The following NIBAN1 variants were observed in gnomAD, a reference collection of about 807,000 sequenced individuals.
NIBAN1 encodes protein Niban 1.
Under a neutral mutation model 75.1 loss-of-function variants are expected in NIBAN1, and 81 were observed. The observed-to-expected ratio is 1.08, with a 90% CI of 0.90 to 1.30. NIBAN1 has a LOEUF of 1.30. NIBAN1 is among the 50% of genes most tolerant of loss of function. The pLI, the probability that NIBAN1 is intolerant of heterozygous loss-of-function variation, is 0.00. For synonymous variants in NIBAN1, 436 were observed against 424.8 expected, an observed-to-expected ratio of 1.03 and a Z score of -0.32; for missense variants, 1,133 against 1,128.1, an observed-to-expected ratio of 1.00 and a Z score of -0.06.
At chr1:184,879,273 T>C (rs1656314079) in intron 5 of NIBAN1, among the ~76,000 whole-genome samples, 1 of 152,172 alleles carries the variant, frequency 6.6e-6, no homozygotes, top group African/African-American at 2.4e-5. Context: ...TTCATGACAA[T>C]TGTATTCTTC....
At chr1:184,868,101 A>G (rs2102283974) in intron 5 of NIBAN1, 1 of 972,248 alleles carries the variant, frequency 1.0e-6, no homozygotes, top group Non-Finnish European at 1.2e-6. Context: ...AGATGTGAAA[A>G]TGGGTGCTTT....
chr1:184,917,099 T>C (rs1657403512), intron 1 of NIBAN1, among the ~76,000 whole-genome samples: 1 of 152,178 alleles, frequency 6.6e-6, no homozygotes, highest in Non-Finnish European at 1.5e-5. Flanking sequence ...AAAACACTGC[T>C]ATGCTGTGCG....
At chr1:184,894,851 C>T (rs1461040510) in intron 2 of NIBAN1, among the ~76,000 whole-genome samples, 3 of 152,184 alleles carry the variant, frequency 2.0e-5, no homozygotes, top group Non-Finnish European at 4.4e-5. Flanking sequence ...GATATATGTG[C>T]TGTGCGGGCA....
At chr1:184,874,198 C>T (rs1477019040) in intron 5 of NIBAN1, among the ~76,000 whole-genome samples, 1 of 151,272 alleles carries the variant, frequency 6.6e-6, no homozygotes, top group African/African-American at 2.4e-5. Flanking sequence ...ATTATTATTG[C>T]TAATAATAAA....
chr1:184,834,979 A>G (rs144274982), intron 5 of NIBAN1, among the ~76,000 whole-genome samples: 88,713 of 152,030 alleles, frequency 0.58, 26,349 homozygotes, highest in African/African-American at 0.68. Context: ...GTTTTAGGTC[A>G]AACATTTAAG....
chr1:184,802,073 T>C (rs948567328), intron 12 of NIBAN1, among the ~76,000 whole-genome samples: 3 of 152,188 alleles, frequency 2.0e-5, no homozygotes, highest in African/African-American at 7.2e-5. Flanking sequence ...CTGCTACTTA[T>C]AGAACCAAGG....
At position 184,798,129 on chromosome 1, in the gene NIBAN1, T is replaced by A. The variant is rs1653928053; in HGVS notation, c.1616A>T (p.Asn539Ile). ...CTGATGTAAAATCTCCTCATAGACA[T>A]TTTCAACGTGAATCATATTGGTATG... ...ADHTNMIHVENVYEEILHQIL... is the reference protein window; with the variant it reads ...ADHTNMIHVEIVYEEILHQIL... Residue 539 changes from asparagine to isoleucine, a missense_variant, in exon 13 of 14, where the codon AAT becomes ATT. By Grantham distance (149) the Asn-to-Ile change is moderately radical. Coordinates refer to ENST00000367511, the MANE Select transcript of NIBAN1 (RefSeq NM_052966.4). The A allele has an allele frequency of 6.2e-7, 1 of 1,612,054 alleles. No homozygotes were observed. The highest frequency in any genetic ancestry group is 1.7e-5 in the Admixed American group (1 of 59,986).
intron 2 of NIBAN1, among the ~76,000 whole-genome samples, chr1:184,896,532 G>C (rs2101984994): frequency 6.6e-6 from 1 of 151,906 alleles, no homozygotes; most frequent in East Asian, 1.9e-4. Context: ...TTTGTGTATA[G>C]GCTTTTTAGC....
chr1:184,910,864 C>A (rs950711421), intron 1 of NIBAN1, among the ~76,000 whole-genome samples: 1 of 152,134 alleles, frequency 6.6e-6, no homozygotes, highest in African/African-American at 2.4e-5. Flanking sequence ...TTTTCTCCTG[C>A]CTGAATCCCT....
In NIBAN1 at chr1:184,921,974, A is replaced by G. The variant is rs372172416; in HGVS notation, c.56-22665T>C. Among the ~76,000 whole-genome samples the G allele has an allele frequency of 6.6e-5, 10 of 152,340 alleles. 1 individual carries two copies. In the South Asian group the frequency reaches 1.9e-3, roughly 28 times the overall value. The stretch of plus-strand genomic sequence containing the variant: ...CAAATGCTTTTTGTATTATATTATA[A>G]CACACAAGTCCTTTGAAATACAAAT... On this transcript the variant is annotated intron_variant, in intron 1 of 13. Coordinates refer to ENST00000367511, the MANE Select transcript of NIBAN1 (RefSeq NM_052966.4).
intron 6 of NIBAN1, among the ~76,000 whole-genome samples, chr1:184,829,590 C>G (rs112887360): frequency 5.9e-4 from 89 of 151,166 alleles, no homozygotes; most frequent in African/African-American, 2.1e-3. Context: ...GCCTCAGCCT[C>G]CCAAGCAGCT....
At chr1:184,958,500 A>T (rs1419073957) in intron 1 of NIBAN1, among the ~76,000 whole-genome samples, 5 of 152,186 alleles carry the variant, frequency 3.3e-5, no homozygotes. Flanking sequence ...GAGCGTTCAA[A>T]TCCTATCACG....
At chr1:184,963,511 A>C (rs1658704223) in intron 1 of NIBAN1, among the ~76,000 whole-genome samples, 1 of 152,182 alleles carries the variant, frequency 6.6e-6, no homozygotes, top group Admixed American at 6.5e-5. Flanking sequence ...CACACAAAAA[A>C]TCAGAGTGAA....
chr1:184,942,693 C>CAAAA (rs1235041623), intron 1 of NIBAN1, among the ~76,000 whole-genome samples: 4 of 78,352 alleles, frequency 5.1e-5, no homozygotes, highest in East Asian at 3.6e-4. Context: ...GACTCCGTCT[C>CAAAA]AAAAAAAAAA....
chr1:184,920,945 C>T (rs1351973040), intron 1 of NIBAN1, among the ~76,000 whole-genome samples: 1 of 152,072 alleles, frequency 6.6e-6, no homozygotes, highest in Admixed American at 6.5e-5. Flanking sequence ...ACCTGACCAG[C>T]ATGGTGAAAC....
chr1:184,872,206 A>G (rs1292459921), intron 5 of NIBAN1, among the ~76,000 whole-genome samples: 1 of 152,168 alleles, frequency 6.6e-6, no homozygotes, highest in African/African-American at 2.4e-5. Flanking sequence ...AAGTAAAAAG[A>G]GATTATTTTA....
At chr1:184,923,525 C>T (rs189780439) in intron 1 of NIBAN1, among the ~76,000 whole-genome samples, 4 of 152,196 alleles carry the variant, frequency 2.6e-5, no homozygotes, top group Admixed American at 1.3e-4. Context: ...TCTTTTTGTT[C>T]ATGATAGCTT....
rs80140676 is a variant in NIBAN1 at position 184,957,869 on chromosome 1, C to G, written c.55+16433G>C. Among the ~76,000 whole-genome samples, 25 of 152,230 alleles carry G rather than the reference C, an allele frequency of 1.6e-4. No homozygotes were observed. The East Asian group carries it at 4.6e-3, about 28-fold the overall frequency. ...TTATTTTTTATTGTATGCCTTACTT[C>G]CCAAATATAAATATTTTATTTGATA... On this transcript the variant is annotated intron_variant, in intron 1 of 13. Coordinates refer to ENST00000367511, the MANE Select transcript of NIBAN1 (RefSeq NM_052966.4).
chr1:184,962,848 A>AAAC lies in NIBAN1; in HGVS notation c.55+11451_55+11453dup, dbSNP rs1361621289. On this transcript the variant is annotated intron_variant, in intron 1 of 13. Transcript: ENST00000367511. The stretch of plus-strand genomic sequence containing the variant: ...TGTCAAGAAACCAGTAACTTATATT[A>AAAC]AACACTGGTAAATAAAAGGAAAAAA... Among the ~76,000 whole-genome samples, 3 of 152,298 alleles carry AAAC rather than the reference A, an allele frequency of 2.0e-5. No individual in the cohort carries two copies. In the East Asian group the frequency reaches 5.8e-4, roughly 29 times the overall value.
Sources: gnomAD v4.1 joint callset for allele counts (sites outside exome capture counted in the v4.1 genomes callset) on GRCh38, gnomAD v4.1.1 for gene constraint, MANE v1.5 for transcripts, NCBI Gene and HGNC (gene_info 2026-07-23, HGNC 2026-07-21) for gene names.